Variants in COMP observed in about 807,000 individuals in gnomAD.
COMP encodes the protein cartilage oligomeric matrix protein (pseudoachondroplasia, epiphyseal dysplasia 1, multiple).
In COMP, 79 loss-of-function variants were observed where a neutral mutation model predicts 95.8. The ratio of observed to expected loss-of-function variants is 0.82; its 90% CI spans 0.69 to 0.99. The LOEUF is 0.99. Among genes scored for constraint, COMP ranks in the 50% least tolerant of loss-of-function variants. The probability of loss-of-function intolerance (pLI) is 0.00; values close to 1 mark genes in which losing one functional copy is unlikely to be tolerated. For missense variants in COMP, 906 were observed against 1,076.1 expected (o/e 0.84, Z 2.21); for synonymous variants, 438 against 433.9 (o/e 1.01, Z -0.12).
rs557483957 is a variant in COMP, at chr19:18,788,654, G to A, written c.700C>T (p.Pro234Ser). 3.9e-4 allele frequency: 608 copies of A among 1,545,806 alleles called. No individual in the cohort carries two copies. Among genetic ancestry groups the A allele is most frequent in the Middle Eastern group, 1.0e-3 (6 of 5,738 alleles). ...RAQRFCPDGS[P>S]SECHEHADCV... is the part of the protein sequence containing the mutation. ...TCTGCATGCTCGTGGCACTCGCTGG[G>A]CGAGCCGTCGGGGCAGAAGCGCTGT... Residue 234 changes from proline to serine, a missense_variant, in exon 7 of 19, where the codon CCC becomes TCC. By Grantham distance (74) the Pro-to-Ser change is moderately conservative (BLOSUM62 -1). Coordinates refer to ENST00000222271, the MANE Select transcript of COMP (RefSeq NM_000095.3). This position sits in a 1 kb window ranked among gnomAD's most constrained non-coding sequence, Gnocchi z 4.7.
chr19:18,790,198 T>G, intron 3 of COMP, 84 bp from the exon 4 acceptor site: 1 of 1,094,766 alleles, frequency 9.1e-7, no homozygotes, highest in Non-Finnish European at 1.3e-6. Flanking sequence ...GCCCCGGGGC[T>G]GGAGGCTTCC....
rs1300586743 is a variant in COMP, at chr19:18,788,043, A to G, written c.975+169T>C. Among the ~76,000 whole-genome samples the G allele has an allele frequency of 1.3e-5, 2 of 151,750 alleles. No individual in the cohort carries two copies. The highest frequency in any genetic ancestry group is 2.9e-5 in the Non-Finnish European group (2 of 67,966). ...CTCAGCCTCCTGAGTAGCTGGGATT[A>G]CAGGCGTGCACCACCACGCCCCGCT... On this transcript the variant is annotated intron_variant, in intron 9 of 18. Transcript: ENST00000222271. The surrounding 1 kb of genome is among the most constrained non-coding windows in gnomAD (Gnocchi z 4.7).
rs370202476 is a variant in COMP at position 18,784,285 on chromosome 19, G to A, written c.1993C>T (p.Arg665Trp). Residue 665 changes from arginine (R) to tryptophan (W), a missense_variant, in exon 17 of 19, where the codon CGG (arginine) becomes TGG (tryptophan). Transcript: ENST00000222271. This position sits in a 1 kb window ranked among gnomAD's most constrained non-coding sequence, Gnocchi z 4.9. Reference protein sequence around the residue: ...WHTGDTESQVRLLWKDPRNVG... With the variant: ...WHTGDTESQVWLLWKDPRNVG... ...TTTCGCGGGTCCTTCCACAGCAGCC[G>A]CACCTGGGACTCTGTGTCTCCTGTA... 65 of 1,613,976 alleles carry A rather than the reference G, an allele frequency of 4.0e-5. No homozygotes were observed. Among genetic ancestry groups the A allele is most frequent in the Middle Eastern group, 3.3e-4 (2 of 6,076 alleles).
chr19:18,785,970 G>A lies in COMP; in HGVS notation c.1484C>T (p.Ala495Val), dbSNP rs373687591. 41 of 1,601,946 alleles carry A rather than the reference G, an allele frequency of 2.6e-5. No homozygotes were observed. The highest frequency in any genetic ancestry group is 1.7e-5 in the Admixed American group (1 of 59,352). ...RLVPNPGQED[A>V]DRDGVGDVCQ... is the part of the protein sequence containing the mutation. ...AGGCCCCGCCCCCGCCGTACTGTCC[G>A]CGTCCTCCTGGCCGGGGTTAGGCAC... Residue 495 changes from alanine to valine, a missense_variant, in exon 13 of 19, where the codon GCG becomes GTG. Ala to Val is a moderately conservative substitution (Grantham distance 64). Coordinates refer to ENST00000222271, the MANE Select transcript of COMP (RefSeq NM_000095.3).
At position 18,784,299 on chromosome 19, in the gene COMP, G is replaced by C. The variant is rs150534218; in HGVS notation, c.1979C>G (p.Thr660Arg). Residue 660 changes from threonine to arginine, a missense_variant, in exon 17 of 19, where the codon ACA becomes AGA. Thr to Arg is a moderately conservative substitution (Grantham distance 71). Transcript: ENST00000222271. The surrounding 1 kb of genome is among the most constrained non-coding windows in gnomAD (Gnocchi z 4.9). ...LRNALWHTGD[T>R]ESQVRLLWKD... ...CCACAGCAGCCGCACCTGGGACTCT[G>C]TGTCTCCTGTATGCCACAGAGCGTT... 138 of 1,614,002 alleles carry C rather than the reference G, an allele frequency of 8.6e-5. No homozygotes were observed. The highest frequency in any genetic ancestry group is 1.6e-4 in the Middle Eastern group (1 of 6,080).
chr19:18,787,166 G>A (rs1568555371), intron 10 of COMP: 1 of 473,892 alleles, frequency 2.1e-6, no homozygotes, highest in South Asian at 2.1e-5. Flanking sequence ...GTGCCCGTGT[G>A]TGCCACCCTG....
rs530143239 is a variant in COMP, at chr19:18,787,172, C to T, written c.1135+319G>A. ...CTCAGCTGGGTGCCCGTGTGTGCCA[C>T]CCTGAGCCCCTATGTCCCCATCTGT... On this transcript the variant is annotated intron_variant, in intron 10 of 18. Coordinates refer to ENST00000222271, the MANE Select transcript of COMP (RefSeq NM_000095.3). 3.3e-5 allele frequency: 16 copies of T among 485,608 alleles called. No homozygotes were observed. The East Asian group carries it at 5.2e-4, about 16-fold the overall frequency. The allele number at this position is 485,608 out of a possible 1,614,324, so 30.1% of individuals were successfully genotyped here. A position where few individuals can be genotyped will look rare whatever the true frequency, so the allele number is the denominator to read the frequency against.
intron 1 of COMP, 39 bp from the exon 2 acceptor site, chr19:18,790,974 G>A: frequency 6.5e-7 from 1 of 1,545,974 alleles, no homozygotes; most frequent in South Asian, 1.2e-5. Context: ...TCATGGGGCC[G>A]GGGAATCCCA....
intron 10 of COMP, chr19:18,787,022 C>T: frequency 5.9e-6 from 2 of 339,202 alleles, no homozygotes; most frequent in South Asian, 2.6e-5. Flanking sequence ...CCACCTGCCT[C>T]AGCTTCCCAA....
chr19:18,785,906 C>A (rs1829189001), intron 13 of COMP, 55 bp from the exon 14 acceptor site: 2 of 1,604,644 alleles, frequency 1.2e-6, no homozygotes, highest in Non-Finnish European at 1.7e-6. Context: ...CCACCGTAGA[C>A]CCCGCGCCAG....
rs755593138 is a variant in COMP, at chr19:18,784,345, C to T, written c.1933G>A (p.Gly645Ser). The T allele has an allele frequency of 1.2e-6, 2 of 1,613,884 alleles. No individual in the cohort carries two copies. The highest frequency in any genetic ancestry group is 1.1e-5 in the South Asian group (1 of 91,086). ...IQLKAVKSSTGPGEQLRNALW... is the reference protein window; with the variant it reads ...IQLKAVKSSTSPGEQLRNALW... Reference sequence around the variant, plus strand: ...GCGTTCCGCAGCTGTTCCCCGGGGCCTGTGGAAGACTTCACAGCCTGCCAA... The same window carrying T: ...GCGTTCCGCAGCTGTTCCCCGGGGCTTGTGGAAGACTTCACAGCCTGCCAA... Residue 645 changes from glycine (G) to serine (S), a missense_variant, in exon 17 of 19, where the codon GGC becomes AGC. Transcript: ENST00000222271. The surrounding 1 kb of genome is among the most constrained non-coding windows in gnomAD (Gnocchi z 4.9).
rs1203975764 is a variant in COMP, at chr19:18,784,971, C to T, written c.1839G>A (p.Met613Ile). Residue 613 changes from methionine to isoleucine, a missense_variant, in exon 16 of 19, where the codon ATG becomes ATA. Met to Ile is a conservative substitution (Grantham distance 10, BLOSUM62 1). Transcript: ENST00000222271. The surrounding 1 kb of genome is among the most constrained non-coding windows in gnomAD (Gnocchi z 4.9). ...YQDSSSFYVV[M>I]WKQMEQTYWQ... ...AATACGTTTGCTCCATCTGCTTCCA[C>T]ATGACCACGTAGAAGCTGGAGCTGT... 6.2e-7 allele frequency: 1 copy of T among 1,614,140 alleles called. No homozygotes were observed. Among genetic ancestry groups the T allele is most frequent in the Non-Finnish European group, 8.5e-7 (1 of 1,179,996 alleles).
Position 18,788,561 on chromosome 19 carries a change from C to A in COMP, c.762+31G>T. On this transcript the variant is annotated intron_variant, in intron 7 of 18. Transcript: ENST00000222271. The surrounding 1 kb of genome is among the most constrained non-coding windows in gnomAD (Gnocchi z 4.7). ...TGCCCTGGAGTGGCCGCCACCCAAC[C>A]CCGCCTCAAGCCCAGCCCGCCCGCA... is the stretch of plus-strand genomic sequence containing the variant. The A allele has an allele frequency of 6.4e-7, 1 of 1,557,562 alleles. No individual in the cohort carries two copies. Among genetic ancestry groups the A allele is most frequent in the South Asian group, 1.2e-5 (1 of 84,996 alleles).
In COMP at chr19:18,787,489, A is replaced by G. The variant is rs1311720036; in HGVS notation, c.1135+2T>C. The G allele has an allele frequency of 6.2e-7, 1 of 1,609,886 alleles. No homozygotes were observed. Among genetic ancestry groups the G allele is most frequent in the African/African-American group, 1.3e-5 (1 of 74,114 alleles). ...TCGCCCCCCAACCCCCATCGAGCTC[A>G]CGGTCGCCGTCGATGTCGTCGTCGC... On this transcript the variant is annotated splice_donor_variant, in intron 10 of 18. Transcript: ENST00000222271. LOFTEE classifies it high-confidence loss of function.
Position 18,789,866 on chromosome 19 carries a change from G to T in COMP, c.390+76C>A. On this transcript the variant is annotated intron_variant, in intron 4 of 18. Coordinates refer to ENST00000222271, the MANE Select transcript of COMP (RefSeq NM_000095.3). The surrounding 1 kb of genome is among the most constrained non-coding windows in gnomAD (Gnocchi z 6.1). The stretch of plus-strand genomic sequence containing the variant: ...GGGCGAACACTCCCAGTGGAGGAAG[G>T]GGTCTCCCGGGCGGCGAGAGATTGG... 1 of 1,518,430 alleles carries T rather than the reference G, an allele frequency of 6.6e-7. No homozygotes were observed. The highest frequency in any genetic ancestry group is 1.2e-5 in the South Asian group (1 of 86,668). 94.1% of individuals were successfully genotyped at this position (1,518,430 alleles called of 1,614,324 possible).
intron 10 of COMP, chr19:18,787,159 C>A (rs1221838260): frequency 4.4e-6 from 2 of 457,594 alleles, no homozygotes; most frequent in African/African-American, 2.0e-5. Flanking sequence ...CAGCTGGGTG[C>A]CCGTGTGTGC....
rs2055194471 is a variant in COMP at position 18,789,480 on chromosome 19, G to C, written c.391-183C>G. On this transcript the variant is annotated intron_variant, in intron 4 of 18. Coordinates refer to ENST00000222271, the MANE Select transcript of COMP (RefSeq NM_000095.3). This position sits in a 1 kb window ranked among gnomAD's most constrained non-coding sequence, Gnocchi z 6.1. ...CCTTGATGACGGCAAGGGCGCAACC[G>C]GGAGAGGAGAGGAGAGCTGTTCCCT... Among the ~76,000 whole-genome samples the C allele has an allele frequency of 1.3e-5, 2 of 152,146 alleles. No individual in the cohort carries two copies. The highest frequency in any genetic ancestry group is 4.8e-5 in the African/African-American group (2 of 41,426).
At chr19:18,791,108 A>C in intron 1 of COMP, 83 bp downstream of exon 1, 5 of 1,523,290 alleles carry the variant, frequency 3.3e-6, no homozygotes, top group Non-Finnish European at 4.4e-6. Flanking sequence ...GTGAGCCCCA[A>C]ACAGCCTGGA....
At chr19:18,790,734 A>T in intron 2 of COMP, 116 bp downstream of exon 2, 2 of 1,433,826 alleles carry the variant, frequency 1.4e-6, no homozygotes, top group Non-Finnish European at 2.0e-6. Context: ...CTACCCGCCG[A>T]CCCCCTTCCC....
Sources: allele counts gnomAD v4.1 joint callset (sites outside exome capture counted in the v4.1 genomes callset), GRCh38; gene constraint gnomAD v4.1.1; non-coding constraint Gnocchi (gnomAD v3.1); transcripts MANE v1.5; gene names NCBI Gene and HGNC (gene_info 2026-07-23, HGNC 2026-07-21).